The following ZNF680 variants were observed in gnomAD, a reference collection of about 807,000 sequenced individuals.
The protein encoded by ZNF680 is hypothetical protein FLJ90430.
ZNF680 carries 6 observed loss-of-function variants against 12.1 expected under a neutral mutation model. That is an observed-to-expected ratio of 0.49 (90% CI 0.27 to 0.98). ZNF680 has a LOEUF of 0.98. Ranked by LOEUF, ZNF680 falls within the 50% of genes least tolerant of loss-of-function variation. The pLI is 0.12. For synonymous variants in ZNF680, 170 were observed against 199.3 expected (o/e 0.85, Z 1.24); for missense variants, 561 against 616.3 (o/e 0.91, Z 0.95).
At chr7:64,515,340 C>G (rs961932164), downstream of ZNF680, among the ~76,000 whole-genome samples, 2 of 151,806 alleles carry the variant, frequency 1.3e-5, no homozygotes, top group Non-Finnish European at 2.9e-5. Context: ...ACTAGCACCC[C>G]CCCCTAAAAA....
At chr7:64,546,178 CA>C (rs1261668578) in intron 1 of ZNF680, among the ~76,000 whole-genome samples, 1 of 152,170 alleles carries the variant, frequency 6.6e-6, no homozygotes, top group Non-Finnish European at 1.5e-5. Flanking sequence ...AGAGTGGACA[CA>C]GCTCTTGATC....
At chr7:64,511,050 T>C in the ZNF680 span, among the ~76,000 whole-genome samples, 2 of 151,466 alleles carry the variant, frequency 1.3e-5, no homozygotes, top group Admixed American at 6.6e-5. Context: ...GGCGGGTGGA[T>C]CACGAGGTCA....
At chr7:64,550,737 AT>A (rs1284321742) in intron 1 of ZNF680, among the ~76,000 whole-genome samples, 6 of 152,322 alleles carry the variant, frequency 3.9e-5, no homozygotes, top group African/African-American at 1.4e-4. Flanking sequence ...ACTACAGATT[AT>A]CAAACAAGCA....
At chr7:64,526,131 G>T in intron 3 of ZNF680, 1 of 922,606 alleles carries the variant, frequency 1.1e-6, no homozygotes, top group Non-Finnish European at 1.3e-6. Context: ...AACATGAAAT[G>T]TAAAACTTAT....
chr7:64,524,630 G>C (rs1223519702), intron 3 of ZNF680: 1 of 152,020 alleles, frequency 6.6e-6, no homozygotes, highest in African/African-American at 2.4e-5. Flanking sequence ...ATTTTAAAAA[G>C]ACAAAATATT....
Position 64,522,512 on chromosome 7 carries a change from A to G in ZNF680, c.254-12T>C. ...ATGAGAATATATAACTGAAAGACAT[A>G]AAAGTAACAAATTACACCACTTCCT... On this transcript the variant is annotated splice_polypyrimidine_tract_variant and intron_variant, in intron 3 of 3. Transcript: ENST00000309683. 7.0e-7 allele frequency: 1 copy of G among 1,420,320 alleles called. No individual in the cohort carries two copies. The highest frequency in any genetic ancestry group is 2.4e-5 in the East Asian group (1 of 41,838). 88.0% of individuals were successfully genotyped at this position (1,420,320 alleles called of 1,614,324 possible). A position where few individuals can be genotyped will look rare whatever the true frequency, so the allele number is the denominator to read the frequency against.
chr7:64,526,221 A>T, intron 3 of ZNF680: 1 of 1,036,998 alleles, frequency 9.6e-7, no homozygotes, highest in Non-Finnish European at 1.2e-6. Context: ...TGTAGAGGTT[A>T]CTTGTAGATG....
chr7:64,522,889 T>C lies in ZNF680; in HGVS notation c.254-389A>G, dbSNP rs1267021962. Among the ~76,000 whole-genome samples the C allele has an allele frequency of 5.3e-5, 8 of 150,612 alleles. 1 individual carries two copies. The highest frequency in any genetic ancestry group is 1.2e-4 in the Non-Finnish European group (8 of 67,610). On this transcript the variant is annotated intron_variant, in intron 3 of 3. Transcript: ENST00000309683. The stretch of plus-strand genomic sequence containing the variant: ...GTCAAAGTCATGAAAAAAATAGATA[T>C]CAAATGAGAATAATACCATCAGCAA...
At chr7:64,523,551 A>G (rs761519652) in intron 3 of ZNF680, among the ~76,000 whole-genome samples, 10 of 152,186 alleles carry the variant, frequency 6.6e-5, no homozygotes, top group Non-Finnish European at 1.3e-4. Context: ...AAATATATAC[A>G]TATGTAAAAT....
chr7:64,525,666 T>C (rs1791799285), intron 3 of ZNF680: 2 of 577,438 alleles, frequency 3.5e-6, no homozygotes, highest in East Asian at 1.4e-4. Context: ...AAATATTCTA[T>C]TGTAAATGTT....
chr7:64,548,134 T>C (rs1316430419), intron 1 of ZNF680, among the ~76,000 whole-genome samples: 1 of 152,224 alleles, frequency 6.6e-6, no homozygotes, highest in Non-Finnish European at 1.5e-5. Context: ...ATTACAGAGT[T>C]TGTGTTAACT....
intron 1 of ZNF680, among the ~76,000 whole-genome samples, chr7:64,554,673 A>G (rs1297927077): frequency 1.3e-5 from 2 of 152,150 alleles, no homozygotes; most frequent in East Asian, 1.9e-4. Context: ...GGATGCTGTT[A>G]ATCTATAACC....
chr7:64,510,550 G>A, the ZNF680 span, among the ~76,000 whole-genome samples: 4 of 151,886 alleles, frequency 2.6e-5, no homozygotes, highest in Non-Finnish European at 5.9e-5. Flanking sequence ...ACTTTCCTCT[G>A]TGCCCCAACT....
chr7:64,507,492 CAT>C, the ZNF680 span, among the ~76,000 whole-genome samples: 2 of 151,062 alleles, frequency 1.3e-5, no homozygotes, highest in Non-Finnish European at 1.5e-5. Flanking sequence ...AGTTGATATA[CAT>C]ATGTTATTCA....
the ZNF680 span, among the ~76,000 whole-genome samples, chr7:64,502,921 G>A: frequency 6.6e-6 from 1 of 151,662 alleles, no homozygotes; most frequent in South Asian, 2.1e-4. Flanking sequence ...ATGGAGTCTC[G>A]CTCTGTCTCC....
the ZNF680 span, chr7:64,501,165 G>T: frequency 1.1e-6 from 1 of 875,302 alleles, no homozygotes. Context: ...CTTCTCCATC[G>T]CCTCTATTCA....
chr7:64,528,191 A>G (rs1051378571), intron 3 of ZNF680, among the ~76,000 whole-genome samples: 2 of 152,148 alleles, frequency 1.3e-5, no homozygotes, highest in Non-Finnish European at 2.9e-5. Context: ...CCTTCCTGGC[A>G]TCACAAGGAT....
At position 64,539,351 on chromosome 7, in the gene ZNF680, C is replaced by CAAAAAA. The variant is rs1170166478; in HGVS notation, c.253+4350_253+4355dup. Reference sequence around the variant, plus strand: ...GGGCAACAAGAGCAAAACTTCGTCTCAAAAAAAAAAAAAAAAAAAAAAAAG... The same window carrying CAAAAAA: ...GGGCAACAAGAGCAAAACTTCGTCTCAAAAAAAAAAAAAAAAAAAAAAAAAAAAAAG... On this transcript the variant is annotated intron_variant, in intron 3 of 3. Transcript: ENST00000309683. 9.1e-3 allele frequency among the ~76,000 whole-genome samples: 442 copies of CAAAAAA among 48,404 alleles called. 5 individuals carry two copies. The highest frequency in any genetic ancestry group is 0.016 in the African/African-American group (155 of 9,768). 31.8% of individuals were successfully genotyped at this position (48,404 alleles called of 152,430 possible). A position where few individuals can be genotyped will look rare whatever the true frequency, so the allele number is the denominator to read the frequency against.
At chr7:64,544,264 C>T (rs941926160) in intron 2 of ZNF680, 42 bp downstream of exon 2, 1 of 1,580,684 alleles carries the variant, frequency 6.3e-7, no homozygotes, top group Non-Finnish European at 8.6e-7. Flanking sequence ...GAAATAAAAC[C>T]TTTAGGGCAT....
Sources: allele counts gnomAD v4.1 joint callset (sites outside exome capture counted in the v4.1 genomes callset), GRCh38; gene constraint gnomAD v4.1.1; transcripts MANE v1.5; gene names NCBI Gene and HGNC (gene_info 2026-07-23, HGNC 2026-07-21).